OSTM1: variants seen among roughly 807,000 people sequenced by gnomAD.
OSTM1 encodes the protein osteoclastogenesis associated transmembrane protein 1.
A neutral mutation model predicts 35.4 loss-of-function variants in OSTM1; 26 were observed. The observed-to-expected ratio is 0.73, with a 90% confidence interval of 0.54 to 1.02. OSTM1 has a LOEUF of 1.02. Ranked by LOEUF, OSTM1 falls within the 50% of genes least tolerant of loss-of-function variation. The pLI, the probability that OSTM1 is intolerant of heterozygous loss-of-function variation, is 0.00. For synonymous variants in OSTM1, 181 were observed against 165.0 expected, an observed-to-expected ratio of 1.10 and a Z score of -0.75; for missense variants, 366 against 409.6, an observed-to-expected ratio of 0.89 and a Z score of 0.92.
chr6:108,074,679 C>A lies in OSTM1; in HGVS notation c.-28G>T. 1.3e-6 allele frequency: 2 copies of A among 1,509,644 alleles called. No homozygotes were observed. The highest frequency in any genetic ancestry group is 1.8e-6 in the Non-Finnish European group (2 of 1,135,014). The allele number at this position is 1,509,644 out of a possible 1,614,324, so 93.5% of individuals were successfully genotyped here. A position where few individuals can be genotyped will look rare whatever the true frequency, so the allele number is the denominator to read the frequency against. On this transcript the variant is annotated 5_prime_UTR_variant, in exon 1 of 6. Transcript: ENST00000193322. ...CCGGGCTCACACACCCCAGGGAGCC[C>A]ACCGCCGCCTCTCCGCCCCCAGCCG...
rs781011949 is a variant in OSTM1 at position 108,054,563 on chromosome 6, T to C, written c.542A>G (p.Glu181Gly). ...GAAATATACTGTGCTGTTTGATAAT[T>C]CTTCACTGTTGTTTGTTAAACAATC... ...CANCLTNNSE[E>G]LSNSTVYFLN... The change falls in exon 3 of 6, where the codon GAA (glutamate) becomes GGA (glycine). Residue 181 changes from glutamate to glycine, a missense_variant. Coordinates refer to ENST00000193322, the MANE Select transcript of OSTM1 (RefSeq NM_014028.4). The C allele has an allele frequency of 6.4e-7, 1 of 1,559,524 alleles. No individual in the cohort carries two copies. The highest frequency in any genetic ancestry group is 8.8e-7 in the Non-Finnish European group (1 of 1,132,778).
At position 108,041,529 on chromosome 6, in the gene OSTM1, T is replaced by C. The variant is rs528019563; in HGVS notation, c.*3256A>G. ...TATAATAGTTTAGAACAAGGAAATTTAGTAGAGTTGTAACATTTTGGTGCT... is the reference window on the plus strand; with the variant it reads ...TATAATAGTTTAGAACAAGGAAATTCAGTAGAGTTGTAACATTTTGGTGCT... On this transcript the variant is annotated 3_prime_UTR_variant, in exon 6 of 6. Transcript: ENST00000193322. The C allele has an allele frequency of 1.6e-4, 24 of 152,278 alleles. No individual in the cohort carries two copies. In the East Asian group the frequency reaches 4.6e-3, roughly 29 times the overall value. The allele number at this position is 152,278 out of a possible 1,614,324, so 9.4% of individuals were successfully genotyped here. A position where few individuals can be genotyped will look rare whatever the true frequency, so the allele number is the denominator to read the frequency against.
At chr6:108,045,855 C>T (rs1196925924) in intron 5 of OSTM1, among the ~76,000 whole-genome samples, 2 of 152,152 alleles carry the variant, frequency 1.3e-5, no homozygotes, top group African/African-American at 4.8e-5. Flanking sequence ...CTCCCTACTT[C>T]AGAGCTTCAC....
intron 5 of OSTM1, among the ~76,000 whole-genome samples, chr6:108,047,819 T>C (rs1205005854): frequency 6.6e-6 from 1 of 152,232 alleles, no homozygotes; most frequent in Non-Finnish European, 1.5e-5. Context: ...GTAGTGACTT[T>C]TACTTTGACA....
At chr6:108,071,318 T>G (rs527742239) in intron 1 of OSTM1, among the ~76,000 whole-genome samples, 9 of 152,200 alleles carry the variant, frequency 5.9e-5, no homozygotes, top group African/African-American at 2.2e-4. Flanking sequence ...GTTTTGGTTT[T>G]TTTTTGCAAC....
At chr6:108,055,649 CCACATATT>C (rs921965862) in intron 2 of OSTM1, among the ~76,000 whole-genome samples, 1 of 152,232 alleles carries the variant, frequency 6.6e-6, no homozygotes, top group Non-Finnish European at 1.5e-5. Context: ...TCTTTATCTT[CCACATATT>C]CACAGCCATT....
intron 1 of OSTM1, among the ~76,000 whole-genome samples, chr6:108,067,432 G>T (rs1197294130): frequency 6.6e-6 from 1 of 152,052 alleles, no homozygotes; most frequent in Non-Finnish European, 1.5e-5. Flanking sequence ...TTTCTCTAAA[G>T]GACCCTTACT....
rs1044487993 is a variant in OSTM1 at position 108,074,710 on chromosome 6, G to C, written c.-59C>G. The C allele has an allele frequency of 4.2e-6, 6 of 1,437,478 alleles. No individual in the cohort carries two copies. In the African/African-American group the frequency reaches 4.5e-5, roughly 11 times the overall value. The allele number at this position is 1,437,478 out of a possible 1,614,324, so 89.0% of individuals were successfully genotyped here. ...CGCCTCTCCGCCCCCAGCCGGCACC[G>C]CGGACAGCCGCCGCTTCCGGTTTCC... On this transcript the variant is annotated 5_prime_UTR_variant, in exon 1 of 6. Transcript: ENST00000193322.
rs149798287 is a variant in OSTM1, at chr6:108,049,381, T to C, written c.821A>G (p.Asn274Ser). 11 of 1,613,878 alleles carry C rather than the reference T, an allele frequency of 6.8e-6. No individual in the cohort carries two copies. The African/African-American group carries it at 1.2e-4, about 18-fold the overall frequency. The stretch of plus-strand genomic sequence containing the variant: ...TGTGTCACTGCAAGGGACTGAACAG[T>C]TGAAAGTTCGACTCCATAGTTTTCG... ...ITRKLWSRTFNCSVPCSDTVP... is the reference protein window; with the variant it reads ...ITRKLWSRTFSCSVPCSDTVP... Residue 274 changes from asparagine (N) to serine (S), a missense_variant, in exon 5 of 6, where the codon AAC (asparagine) becomes AGC (serine). By Grantham distance (46) the Asn-to-Ser change is conservative (BLOSUM62 1). Coordinates refer to ENST00000193322, the MANE Select transcript of OSTM1 (RefSeq NM_014028.4).
chr6:108,050,919 G>T, intron 4 of OSTM1, 112 bp downstream of exon 4: 2 of 898,022 alleles, frequency 2.2e-6, no homozygotes, highest in South Asian at 1.4e-5. Flanking sequence ...AGTTATTTTT[G>T]GTTGAGGACA....
At chr6:108,070,042 T>A (rs1243855259) in intron 1 of OSTM1, among the ~76,000 whole-genome samples, 2 of 152,124 alleles carry the variant, frequency 1.3e-5, no homozygotes, top group Non-Finnish European at 2.9e-5. Flanking sequence ...CCGTCATTTT[T>A]TTTTTCTTTT....
In OSTM1 at chr6:108,064,313, A is replaced by G; in HGVS notation, c.403-14T>C. On this transcript the variant is annotated splice_polypyrimidine_tract_variant and intron_variant, in intron 1 of 5. Transcript: ENST00000193322. ...CTCTGAAGTATTCTGTAACAAAAAG[A>G]AGACAGAAAAATACAATCTGAGTAT... 2 of 1,343,900 alleles carry G rather than the reference A, an allele frequency of 1.5e-6. No homozygotes were observed. Among genetic ancestry groups the G allele is most frequent in the Non-Finnish European group, 2.1e-6 (2 of 940,296 alleles). 83.2% of individuals were successfully genotyped at this position (1,343,900 alleles called of 1,614,324 possible).
intron 2 of OSTM1, among the ~76,000 whole-genome samples, chr6:108,058,146 G>C (rs1772200819): frequency 6.7e-6 from 1 of 149,206 alleles, no homozygotes; most frequent in African/African-American, 2.5e-5. Context: ...CAATGTGCCT[G>C]GCCTCAAGAG....
rs1372615744 is a variant in OSTM1 at position 108,043,816 on chromosome 6, C to G, written c.*969G>C. 4 of 152,182 alleles carry G rather than the reference C, an allele frequency of 2.6e-5. No homozygotes were observed. Among genetic ancestry groups the G allele is most frequent in the Non-Finnish European group, 5.9e-5 (4 of 68,026 alleles). 9.4% of individuals were successfully genotyped at this position (152,182 alleles called of 1,614,324 possible). A position where few individuals can be genotyped will look rare whatever the true frequency, so the allele number is the denominator to read the frequency against. On this transcript the variant is annotated 3_prime_UTR_variant, in exon 6 of 6. Coordinates refer to ENST00000193322, the MANE Select transcript of OSTM1 (RefSeq NM_014028.4). ...TCATCCCCTCAATACACACCACTGT[C>G]CAACAGTCTTACAGTGAGCATCCTC...
chr6:108,063,732 A>C (rs1772329158), intron 2 of OSTM1, among the ~76,000 whole-genome samples: 1 of 152,166 alleles, frequency 6.6e-6, no homozygotes. Flanking sequence ...CATAATTATT[A>C]TTATACTAAA....
intron 4 of OSTM1, among the ~76,000 whole-genome samples, chr6:108,050,816 G>A (rs1289067410): frequency 6.6e-6 from 1 of 152,098 alleles, no homozygotes; most frequent in African/African-American, 2.4e-5. Flanking sequence ...ATTAATTTCT[G>A]TTTTATTTTT....
chr6:108,072,342 A>C (rs1391911076), intron 1 of OSTM1, among the ~76,000 whole-genome samples: 3 of 152,154 alleles, frequency 2.0e-5, no homozygotes, highest in Non-Finnish European at 4.4e-5. Flanking sequence ...TACCTCGAAA[A>C]TATGTCCTTG....
intron 3 of OSTM1, among the ~76,000 whole-genome samples, chr6:108,053,511 T>A (rs9320251): frequency 0.23 from 35,306 of 152,148 alleles, 4,197 homozygotes; most frequent in Admixed American, 0.26. Context: ...CACCTAATTT[T>A]TTTTATTTTA....
chr6:108,045,829 CTGAG>C (rs1771958681), intron 5 of OSTM1, among the ~76,000 whole-genome samples: 1 of 152,062 alleles, frequency 6.6e-6, no homozygotes, highest in South Asian at 2.1e-4. Context: ...GTATTTTATA[CTGAG>C]TAACTAAGAG....
Sources: allele counts gnomAD v4.1 joint callset (sites outside exome capture counted in the v4.1 genomes callset), GRCh38; gene constraint gnomAD v4.1.1; transcripts MANE v1.5; gene names NCBI Gene and HGNC (gene_info 2026-07-23, HGNC 2026-07-21).